Variants in CCDC39 observed in about 807,000 individuals in gnomAD.
CCDC39 encodes coiled-coil domain-containing protein 39.
In CCDC39, 113 loss-of-function variants were observed where a neutral mutation model predicts 121.0. The ratio of observed to expected loss-of-function variants is 0.93; its 90% CI spans 0.80 to 1.09. CCDC39 has a LOEUF of 1.09. Ranked by LOEUF, CCDC39 falls within the 50% of genes least tolerant of loss-of-function variation. The pLI is 0.00. For synonymous variants in CCDC39, 349 were observed against 352.2 expected (o/e 0.99, Z 0.10); for missense variants, 1,063 against 1,074.7 (o/e 0.99, Z 0.15).
intron 17 of CCDC39, 22 bp downstream of exon 17, chr3:180,616,804 A>T: frequency 6.2e-7 from 1 of 1,602,842 alleles, no homozygotes; most frequent in Non-Finnish European, 8.5e-7. Context: ...ATGAAAGGTC[A>T]GTTTTTAAAA....
chr3:180,664,047 C>T (rs1297150312), intron 1 of CCDC39, 61 bp from the exon 2 acceptor site: 2 of 1,438,076 alleles, frequency 1.4e-6, no homozygotes, highest in East Asian at 4.6e-5. Context: ...TATGAAGGAC[C>T]TAAAATCAAA....
At chr3:180,646,969 T>C (rs749407861) in intron 11 of CCDC39, 110 bp downstream of exon 11, 8 of 869,332 alleles carry the variant, frequency 9.2e-6, no homozygotes, top group Non-Finnish European at 1.3e-5. Context: ...ATTTGTTATA[T>C]ATGTGTGTAG....
intron 13 of CCDC39, among the ~76,000 whole-genome samples, chr3:180,637,929 G>C (rs1452463962): frequency 6.6e-6 from 1 of 152,130 alleles, no homozygotes; most frequent in Non-Finnish European, 1.5e-5. Flanking sequence ...CTGTTGGTGG[G>C]TGGAGGGTGA....
chr3:180,653,668 C>A (rs1263235931), intron 7 of CCDC39, among the ~76,000 whole-genome samples: 1 of 152,202 alleles, frequency 6.6e-6, no homozygotes, highest in Non-Finnish European at 1.5e-5. Context: ...CTGGAGGCAA[C>A]ATACTTTTTT....
intron 9 of CCDC39, 37 bp from the exon 10 acceptor site, chr3:180,648,396 T>C: frequency 7.8e-7 from 1 of 1,282,204 alleles, no homozygotes; most frequent in Non-Finnish European, 1.1e-6. Context: ...TGGAATTAAA[T>C]ATATTGAAAT....
chr3:180,616,794 A>G (rs199816054), intron 17 of CCDC39, 32 bp downstream of exon 17: 46 of 1,599,480 alleles, frequency 2.9e-5, no homozygotes, highest in Non-Finnish European at 3.8e-5. Flanking sequence ...AAATGTAAAT[A>G]TGAAAGGTCA....
In CCDC39 at chr3:180,679,416, T is replaced by C. The variant is rs1712331405; in HGVS notation, c.-36A>G. ...GGATAGAGAAGATACAGAGCAAAGATCCGCCTTCTTGTACAGCGGGTGAGC... is the reference window on the plus strand; with the variant it reads ...GGATAGAGAAGATACAGAGCAAAGACCCGCCTTCTTGTACAGCGGGTGAGC... On this transcript the variant is annotated 5_prime_UTR_variant, in exon 1 of 20. Coordinates refer to ENST00000476379, the MANE Select transcript of CCDC39 (RefSeq NM_181426.2). This position sits in a 1 kb window ranked among gnomAD's most constrained non-coding sequence, Gnocchi z 4.0. 6.3e-7 allele frequency: 1 copy of C among 1,587,942 alleles called. No homozygotes were observed. The highest frequency in any genetic ancestry group is 8.6e-7 in the Non-Finnish European group (1 of 1,156,418).
chr3:180,670,238 A>G lies in CCDC39; in HGVS notation c.91-6252T>C, dbSNP rs189095872. 2.1e-3 allele frequency among the ~76,000 whole-genome samples: 318 copies of G among 152,248 alleles called. 1 individual carries two copies. The highest frequency in any genetic ancestry group is 0.017 in the Middle Eastern group (5 of 294). On this transcript the variant is annotated intron_variant, in intron 1 of 19. Transcript: ENST00000476379. The stretch of plus-strand genomic sequence containing the variant: ...CCTTGTAAAAAAAAAATTATGTAAT[A>G]TACTTAATATTTTTAAGGATGTGTA...
At chr3:180,642,261 T>A in intron 12 of CCDC39, 60 bp from the exon 13 acceptor site, 1 of 1,098,290 alleles carries the variant, frequency 9.1e-7, no homozygotes, top group Non-Finnish European at 1.3e-6. Context: ...AACCAAAATT[T>A]TTTTTATTGC....
chr3:180,654,507 C>G (rs938673742), intron 7 of CCDC39, among the ~76,000 whole-genome samples: 1 of 151,330 alleles, frequency 6.6e-6, no homozygotes, highest in Admixed American at 6.6e-5. Context: ...AAAAGGTAAC[C>G]TACAGAATGG....
In CCDC39 at chr3:180,654,689, G is replaced by C. The variant is rs146303295; in HGVS notation, c.930+73C>G. On this transcript the variant is annotated intron_variant, in intron 7 of 19. Coordinates refer to ENST00000476379, the MANE Select transcript of CCDC39 (RefSeq NM_181426.2). ...AAGTAGTTTCTTTATCACAGGAAAA[G>C]CTTTATGCTTATTTTATATTTTATA... is the stretch of plus-strand genomic sequence containing the variant. 485 of 968,090 alleles carry C rather than the reference G, an allele frequency of 5.0e-4. 2 individuals carry two copies. The African/African-American group carries it at 7.8e-3, about 16-fold the overall frequency. 60.0% of individuals were successfully genotyped at this position (968,090 alleles called of 1,614,324 possible). A position where few individuals can be genotyped will look rare whatever the true frequency, so the allele number is the denominator to read the frequency against.
chr3:180,653,377 T>A (rs1182281542), intron 7 of CCDC39, among the ~76,000 whole-genome samples: 1 of 152,218 alleles, frequency 6.6e-6, no homozygotes, highest in African/African-American at 2.4e-5. Flanking sequence ...TAGGTAAAGT[T>A]ACTCATTTTA....
At chr3:180,626,557 A>T (rs1453639340) in intron 14 of CCDC39, among the ~76,000 whole-genome samples, 1 of 152,146 alleles carries the variant, frequency 6.6e-6, no homozygotes, top group Non-Finnish European at 1.5e-5. Context: ...ACCAGAGTAC[A>T]TGGGAGTGCC....
intron 4 of CCDC39, 133 bp from the exon 5 acceptor site, chr3:180,659,902 A>G: frequency 1.9e-6 from 1 of 533,328 alleles, no homozygotes; most frequent in East Asian, 3.3e-5. Flanking sequence ...GAAATAATAA[A>G]TATCTTTCTT....
intron 1 of CCDC39, among the ~76,000 whole-genome samples, chr3:180,672,055 T>C (rs1475957560): frequency 6.6e-6 from 1 of 152,194 alleles, no homozygotes; most frequent in East Asian, 1.9e-4. Flanking sequence ...AGTCAATGCC[T>C]GGGTTCATAG....
chr3:180,638,750 A>T (rs1717889755), intron 13 of CCDC39, among the ~76,000 whole-genome samples: 2 of 152,158 alleles, frequency 1.3e-5, no homozygotes, highest in Non-Finnish European at 2.9e-5. Context: ...AAATGATTAA[A>T]GTTTCTTTTA....
Position 180,659,767 on chromosome 3 carries a change from T to G in CCDC39, c.519A>C (p.Ala173=). ...TTAGTCTTTCTAATTGCAGAGTCAG[T>G]GCCTATGATGTAATTATATACAGAT... ...YAQQDDNKIR[A]LTLQLERLTL... The change falls in exon 5 of 20, where the codon GCA becomes GCC. Residue 173 remains alanine (A), a splice_region_variant and synonymous_variant. Transcript: ENST00000476379. 6.3e-7 allele frequency: 1 copy of G among 1,598,104 alleles called. No individual in the cohort carries two copies.
At position 180,663,865 on chromosome 3, in the gene CCDC39, AC is replaced by A; in HGVS notation, c.210+1del. The A allele has an allele frequency of 3.1e-6, 5 of 1,611,930 alleles. No homozygotes were observed. Among genetic ancestry groups the A allele is most frequent in the Non-Finnish European group, 4.2e-6 (5 of 1,179,048 alleles). On this transcript the variant is annotated splice_donor_variant, in intron 2 of 19. Transcript: ENST00000476379. LOFTEE classifies it high-confidence loss of function. ...AATCAACATAAATTTCAGTTACTGT[AC>A]CTGTGTAATTGAGAGCTCTTGCTTA... is the stretch of plus-strand genomic sequence containing the variant.
At position 180,650,930 on chromosome 3, in the gene CCDC39, C is replaced by T. The variant is rs1367353118; in HGVS notation, c.1167+471G>A. Among the ~76,000 whole-genome samples, 3 of 151,430 alleles carry T rather than the reference C, an allele frequency of 2.0e-5. No homozygotes were observed. In the East Asian group the frequency reaches 5.9e-4, roughly 30 times the overall value. On this transcript the variant is annotated intron_variant, in intron 9 of 19. Transcript: ENST00000476379. ...ATTAGTAGCTTAAAAAGAGAGGAGG[C>T]TGGCCGGCACAGTGGCTCACACCTG... is the stretch of plus-strand genomic sequence containing the variant.
Sources: gnomAD v4.1 joint callset for allele counts (sites outside exome capture counted in the v4.1 genomes callset) on GRCh38, gnomAD v4.1.1 for gene constraint, Gnocchi (gnomAD v3.1) non-coding constraint, MANE v1.5 for transcripts, NCBI Gene and HGNC (gene_info 2026-07-23, HGNC 2026-07-21) for gene names.